PIEZO2: variants seen among roughly 807,000 people sequenced by gnomAD.
PIEZO2 encodes piezo type mechanosensitive ion channel component 2.
A neutral mutation model predicts 337.3 loss-of-function variants in PIEZO2; 172 were observed. That is an observed-to-expected ratio of 0.51 (90% CI 0.45 to 0.58). PIEZO2 has a LOEUF of 0.58. Among genes scored for constraint, PIEZO2 ranks in the 20% least tolerant of loss-of-function variants. The probability of loss-of-function intolerance (pLI) is 0.00; values close to 1 mark genes in which losing one functional copy is unlikely to be tolerated. For synonymous variants in PIEZO2, 1,251 were observed against 1,228.5 expected (o/e 1.02, Z -0.38); for missense variants, 3,028 against 3,391.3 (o/e 0.89, Z 2.66).
intron 28 of PIEZO2, among the ~76,000 whole-genome samples, chr18:10,752,234 A>C (rs1279590609): frequency 6.6e-6 from 1 of 152,228 alleles, no homozygotes; most frequent in Non-Finnish European, 1.5e-5. Context: ...CTTTCTAGAT[A>C]AGAGCGTTGC....
At position 10,727,214 on chromosome 18, in the gene PIEZO2, G is replaced by T. The variant is rs1382347753; in HGVS notation, c.5029+4193C>A. The T allele has an allele frequency of 9.9e-6, 3 of 302,892 alleles. No homozygotes were observed. Among genetic ancestry groups the T allele is most frequent in the African/African-American group, 6.5e-5 (3 of 46,050 alleles). The allele number at this position is 302,892 out of a possible 1,614,324, so 18.8% of individuals were successfully genotyped here. A position where few individuals can be genotyped will look rare whatever the true frequency, so the allele number is the denominator to read the frequency against. Reference sequence around the variant, plus strand: ...TGAGCAGAGGGAAGGCATGGGGGCAGGAAGGGAGCTGAGCATTGATGGGGA... The same window carrying T: ...TGAGCAGAGGGAAGGCATGGGGGCATGAAGGGAGCTGAGCATTGATGGGGA... On this transcript the variant is annotated intron_variant, in intron 36 of 55. Coordinates refer to ENST00000674853, the MANE Select transcript of PIEZO2 (RefSeq NM_001378183.1). This position sits in a 1 kb window ranked among gnomAD's most constrained non-coding sequence, Gnocchi z 6.3.
chr18:11,133,128 T>G (rs569196193), intron 1 of PIEZO2, among the ~76,000 whole-genome samples: 1 of 152,242 alleles, frequency 6.6e-6, no homozygotes, highest in African/African-American at 2.4e-5. Context: ...TCCTCCTTTT[T>G]TTGCTAAAAA....
rs942719151 is a variant in PIEZO2 at position 10,846,720 on chromosome 18, A to C, written c.917+8633T>G. On this transcript the variant is annotated intron_variant, in intron 7 of 55. Coordinates refer to ENST00000674853, the MANE Select transcript of PIEZO2 (RefSeq NM_001378183.1). The surrounding 1 kb of genome is among the most constrained non-coding windows in gnomAD (Gnocchi z 4.1). ...TACAAGATAATTTTCCTTCCTTATA[A>C]AGGAAGATGGAAGGTTCTGGAAGGA... is the stretch of plus-strand genomic sequence containing the variant. Among the ~76,000 whole-genome samples the C allele has an allele frequency of 6.6e-6, 1 of 152,138 alleles. No individual in the cohort carries two copies. Among genetic ancestry groups the C allele is most frequent in the Non-Finnish European group, 1.5e-5 (1 of 68,024 alleles).
chr18:10,991,095 A>C (rs1216389513), intron 2 of PIEZO2, among the ~76,000 whole-genome samples: 1 of 151,606 alleles, frequency 6.6e-6, no homozygotes, highest in East Asian at 1.9e-4. Context: ...ATTGTTTTAT[A>C]GAATGCACCA....
At chr18:10,729,316 C>T (rs534051663) in intron 36 of PIEZO2, among the ~76,000 whole-genome samples, 2 of 152,064 alleles carry the variant, frequency 1.3e-5, no homozygotes, top group East Asian at 3.9e-4. Flanking sequence ...TCTATGGATA[C>T]ATTTCCTTTG....
At chr18:11,013,025 C>T (rs1245240096) in intron 2 of PIEZO2, among the ~76,000 whole-genome samples, 1 of 152,096 alleles carries the variant, frequency 6.6e-6, no homozygotes, top group Non-Finnish European at 1.5e-5. Flanking sequence ...CCCTGGGCAA[C>T]AGAGTGAGAC....
intron 7 of PIEZO2, among the ~76,000 whole-genome samples, chr18:10,816,891 G>A (rs931445019): frequency 2.0e-5 from 3 of 152,064 alleles, no homozygotes; most frequent in Non-Finnish European, 4.4e-5. Flanking sequence ...TCTCACTGCA[G>A]TTTTATTGTA....
rs1393504347 is a variant in PIEZO2 at position 10,789,221 on chromosome 18, C to A, written c.2027G>T (p.Gly676Val). 1.7e-5 allele frequency: 26 copies of A among 1,537,164 alleles called. No individual in the cohort carries two copies. The highest frequency in any genetic ancestry group is 2.2e-5 in the Non-Finnish European group (25 of 1,146,914). The stretch of plus-strand genomic sequence containing the variant: ...GATGAACATGGCCACCACCAGATTG[C>A]CCAGGACTTTCATGATGTCCTGCTC... ...EDEQDIMKVLGNLVVAMFIKY... is the reference protein window; with the variant it reads ...EDEQDIMKVLVNLVVAMFIKY... Residue 676 changes from glycine (G) to valine (V), a missense_variant, in exon 15 of 56, where the codon GGC becomes GTC. Transcript: ENST00000674853.
At position 10,762,981 on chromosome 18, in the gene PIEZO2, T is replaced by C; in HGVS notation, c.3064A>G (p.Lys1022Glu). The change falls in exon 22 of 56, where the codon AAA (lysine) becomes GAA (glutamate). Residue 1022 changes from lysine (K) to glutamate (E), a missense_variant. Lys to Glu is a moderately conservative substitution (Grantham distance 56). Transcript: ENST00000674853. Reference sequence around the variant, plus strand: ...ATGGTTTGGAGCTGGTACAACATTTTGCAGACGATGATCACACACGTCCAG... The same window carrying C: ...ATGGTTTGGAGCTGGTACAACATTTCGCAGACGATGATCACACACGTCCAG... ...TVWTCVIIVC[K>E]MLYQLQTIKP... The C allele has an allele frequency of 2.0e-6, 3 of 1,537,320 alleles. No homozygotes were observed. The highest frequency in any genetic ancestry group is 2.6e-6 in the Non-Finnish European group (3 of 1,146,932).
intron 2 of PIEZO2, among the ~76,000 whole-genome samples, chr18:11,043,741 C>T (rs898124215): frequency 1.3e-5 from 2 of 152,028 alleles, no homozygotes; most frequent in African/African-American, 4.8e-5. Context: ...GTTGCCCAGG[C>T]TCATTGCAAC....
chr18:10,817,984 C>T (rs566878472), intron 7 of PIEZO2, among the ~76,000 whole-genome samples: 156 of 149,604 alleles, frequency 1.0e-3, no homozygotes, highest in Admixed American at 4.3e-3. Flanking sequence ...CTGAATTAAA[C>T]GTTTTCCTTC....
chr18:10,949,727 T>G (rs1414973539), intron 3 of PIEZO2, among the ~76,000 whole-genome samples: 3 of 152,234 alleles, frequency 2.0e-5, no homozygotes, highest in Non-Finnish European at 4.4e-5. Context: ...GTGTTTTCTT[T>G]CCAGACCCTC....
chr18:10,989,445 T>C (rs941828778), intron 2 of PIEZO2, among the ~76,000 whole-genome samples: 1 of 151,434 alleles, frequency 6.6e-6, no homozygotes, highest in African/African-American at 2.4e-5. Context: ...GACTTTGGAG[T>C]GACGAGTGTG....
At chr18:10,763,501 T>C (rs566689029) in intron 21 of PIEZO2, among the ~76,000 whole-genome samples, 1 of 152,166 alleles carries the variant, frequency 6.6e-6, no homozygotes, top group South Asian at 2.1e-4. Context: ...AAAGGAGGCA[T>C]GAATGAAGGC....
intron 37 of PIEZO2, among the ~76,000 whole-genome samples, chr18:10,717,190 T>C (rs2143902214): frequency 6.6e-6 from 1 of 152,346 alleles, no homozygotes; most frequent in African/African-American, 2.4e-5. Context: ...AACAAGTTAA[T>C]ATACTCCAAA....
chr18:10,803,706 T>C (rs937525566), intron 9 of PIEZO2, among the ~76,000 whole-genome samples, 169 bp downstream of exon 9: 47 of 152,360 alleles, frequency 3.1e-4, no homozygotes, highest in African/African-American at 1.0e-3. Flanking sequence ...GTATTTTCTT[T>C]GGAAATAGTT....
intron 4 of PIEZO2, among the ~76,000 whole-genome samples, chr18:10,900,212 A>C (rs1266278300): frequency 3.1e-5 from 4 of 130,310 alleles, no homozygotes; most frequent in African/African-American, 1.2e-4. Context: ...CACACACACA[A>C]ACACCTAAAT....
chr18:10,867,845 T>G (rs2042045946), intron 5 of PIEZO2, among the ~76,000 whole-genome samples: 1 of 152,248 alleles, frequency 6.6e-6, no homozygotes, highest in African/African-American at 2.4e-5. Flanking sequence ...TTTCTCCCAG[T>G]TATGACTGAT....
chr18:10,678,933 CT>C (rs552952913), intron 52 of PIEZO2, among the ~76,000 whole-genome samples: 3,112 of 128,496 alleles, frequency 0.024, 37 homozygotes, highest in Middle Eastern at 0.053. Flanking sequence ...GCTGCAATTT[CT>C]TTTTTTTTTT....
Sources: gnomAD v4.1 joint callset for allele counts (sites outside exome capture counted in the v4.1 genomes callset) on GRCh38, gnomAD v4.1.1 for gene constraint, Gnocchi (gnomAD v3.1) non-coding constraint, MANE v1.5 for transcripts, NCBI Gene and HGNC (gene_info 2026-07-23, HGNC 2026-07-21) for gene names.